Variants in HPD observed in about 807,000 individuals in gnomAD.
HPD encodes 4-hydroxyphenylpyruvic acid oxidase.
HPD carries 35 observed loss-of-function variants against 56.9 expected under a neutral mutation model. The observed-to-expected ratio is 0.62, with a 90% CI of 0.47 to 0.82. The LOEUF (loss-of-function observed/expected upper bound fraction) is 0.82. Among genes scored for constraint, HPD ranks in the 40% least tolerant of loss-of-function variants. The pLI is 0.00. For synonymous variants in HPD, 186 were observed against 200.2 expected, an observed-to-expected ratio of 0.93 and a Z score of 0.60; for missense variants, 442 against 506.8, an observed-to-expected ratio of 0.87 and a Z score of 1.23.
chr12:121,886,514 G>A, the HPD span, among the ~76,000 whole-genome samples: 21 of 148,810 alleles, frequency 1.4e-4, no homozygotes, highest in Non-Finnish European at 2.5e-4. Flanking sequence ...GCCATAAGCA[G>A]CTTACAAAAC....
In HPD at chr12:121,839,750, T is replaced by C. The variant is rs751532063; in HGVS notation, c.1160A>G (p.Asn387Ser). 1 of 1,613,612 alleles carries C rather than the reference T, an allele frequency of 6.2e-7. No individual in the cohort carries two copies. Among genetic ancestry groups the C allele is most frequent in the Non-Finnish European group, 8.5e-7 (1 of 1,179,508 alleles). ...LRGNLTNMET[N>S]GVVPGM The stretch of plus-strand genomic sequence containing the variant: ...GGCTTACATGCCGGGCACCACCCCA[T>C]TGGTCTCCATGTTGGTGAGGTTACC... The change falls in exon 14 of 14, where the codon AAT (asparagine) becomes AGT (serine). Residue 387 changes from asparagine to serine, a missense_variant. By Grantham distance (46) the Asn-to-Ser change is conservative. Transcript: ENST00000289004.
At chr12:121,844,395 G>A (rs1419435395) in intron 11 of HPD, among the ~76,000 whole-genome samples, 1 of 152,024 alleles carries the variant, frequency 6.6e-6, no homozygotes, top group Non-Finnish European at 1.5e-5. Context: ...AATCTTTTGA[G>A]GCAGCTGAAG....
chr12:121,852,550 G>A (rs1408697043), intron 7 of HPD, among the ~76,000 whole-genome samples: 1 of 149,558 alleles, frequency 6.7e-6, no homozygotes, highest in Non-Finnish European at 1.5e-5. Context: ...AAACAGAATT[G>A]GTCATCTTTG....
At chr12:121,840,934 C>T (rs1877386067) in intron 12 of HPD, among the ~76,000 whole-genome samples, 1 of 151,876 alleles carries the variant, frequency 6.6e-6, no homozygotes, top group Non-Finnish European at 1.5e-5. Flanking sequence ...TGGCTCACGC[C>T]TGTAATCCCA....
chr12:121,874,660 C>T, the HPD span, among the ~76,000 whole-genome samples: 688 of 152,160 alleles, frequency 4.5e-3, 2 homozygotes, highest in Admixed American at 0.01. Context: ...AAAAACAGTT[C>T]CTGCTTCCAA....
the HPD span, among the ~76,000 whole-genome samples, chr12:121,887,220 T>TA: frequency 1.4e-4 from 21 of 145,422 alleles, no homozygotes; most frequent in African/African-American, 4.2e-4. Flanking sequence ...TAATTATTAT[T>TA]TTTTTTTTTT....
the HPD span, among the ~76,000 whole-genome samples, chr12:121,870,196 G>A: frequency 6.6e-6 from 1 of 151,702 alleles, no homozygotes; most frequent in African/African-American, 2.4e-5. Flanking sequence ...TTAAAATAAT[G>A]TTAACACAAA....
intron 7 of HPD, among the ~76,000 whole-genome samples, chr12:121,852,108 C>T (rs1337246019): frequency 6.6e-6 from 1 of 152,118 alleles, no homozygotes; most frequent in East Asian, 1.9e-4. Context: ...CAGCCTCTAC[C>T]TCCTGGACTC....
At chr12:121,863,192 G>A (rs993468200), upstream of HPD, among the ~76,000 whole-genome samples, 2 of 151,776 alleles carry the variant, frequency 1.3e-5, no homozygotes, top group South Asian at 2.1e-4. Context: ...CCATGTTGGC[G>A]AGGCTGATCT....
the HPD span, among the ~76,000 whole-genome samples, chr12:121,879,106 G>T: frequency 6.6e-6 from 1 of 152,018 alleles, no homozygotes; most frequent in Non-Finnish European, 1.5e-5. Flanking sequence ...CCACCTTGGC[G>T]AAGCTCTGTC....
intron 7 of HPD, among the ~76,000 whole-genome samples, chr12:121,853,620 T>A (rs1877885738): frequency 1.2e-4 from 9 of 77,896 alleles, no homozygotes; most frequent in African/African-American, 2.2e-4. Context: ...AGACTCCATC[T>A]CAAAAAAAAA....
At chr12:121,844,952 C>G (rs1877528780) in intron 11 of HPD, among the ~76,000 whole-genome samples, 1 of 150,718 alleles carries the variant, frequency 6.6e-6, no homozygotes, top group South Asian at 2.1e-4. Flanking sequence ...GGCGTGGTGT[C>G]ATGCACCTGT....
chr12:121,853,224 G>A (rs1877869216), intron 7 of HPD, among the ~76,000 whole-genome samples: 1 of 152,190 alleles, frequency 6.6e-6, no homozygotes, highest in East Asian at 1.9e-4. Context: ...GCTAACAGAT[G>A]CCGGGCTTAA....
intron 7 of HPD, among the ~76,000 whole-genome samples, chr12:121,851,010 T>C (rs868083230): frequency 2.0e-5 from 3 of 151,082 alleles, no homozygotes; most frequent in South Asian, 4.2e-4. Context: ...ATTACAGGCA[T>C]GCACCACCAC....
chr12:121,882,137 G>A, the HPD span, among the ~76,000 whole-genome samples: 1,014 of 152,050 alleles, frequency 6.7e-3, 17 homozygotes, highest in African/African-American at 0.023. Context: ...ACTCATGAGC[G>A]AGCCTGCCAC....
intron 12 of HPD, among the ~76,000 whole-genome samples, chr12:121,841,757 C>G (rs1566567403): frequency 6.6e-6 from 1 of 151,830 alleles, no homozygotes; most frequent in Non-Finnish European, 1.5e-5. Flanking sequence ...GATCTCGGCT[C>G]ACTGCAACCT....
chr12:121,871,836 GA>G, the HPD span, among the ~76,000 whole-genome samples: 2 of 152,076 alleles, frequency 1.3e-5, no homozygotes, highest in Non-Finnish European at 2.9e-5. Flanking sequence ...GCAAGCCAGG[GA>G]GCACTGGAGC....
At chr12:121,864,383 T>A (rs1258159559), upstream of HPD, among the ~76,000 whole-genome samples, 2 of 150,422 alleles carry the variant, frequency 1.3e-5, no homozygotes, top group Non-Finnish European at 3.0e-5. Context: ...TGAGACCCTG[T>A]CTCTACAAAA....
At chr12:121,847,312 C>G (rs1877621576) in intron 9 of HPD, 98 bp from the exon 10 acceptor site, 3 of 1,125,566 alleles carry the variant, frequency 2.7e-6, no homozygotes, top group Non-Finnish European at 4.0e-6. Flanking sequence ...TGAGCAGGCT[C>G]CAGAAAGGAG....
Sources: allele counts gnomAD v4.1 joint callset (sites outside exome capture counted in the v4.1 genomes callset), GRCh38; gene constraint gnomAD v4.1.1; transcripts MANE v1.5; gene names NCBI Gene and HGNC (gene_info 2026-07-23, HGNC 2026-07-21).